TERB1: variants seen among roughly 807,000 people sequenced by gnomAD.
TERB1 encodes the protein telomere repeat binding bouquet formation protein 1.
A neutral mutation model predicts 92.3 loss-of-function variants in TERB1; 63 were observed. The observed-to-expected ratio is 0.68, with a 90% CI of 0.56 to 0.84. The LOEUF is 0.84. TERB1 is among the 40% of genes least tolerant of loss of function. The probability of loss-of-function intolerance (pLI) is 0.00; values close to 1 mark genes in which losing one functional copy is unlikely to be tolerated. For missense variants in TERB1, 709 were observed against 843.7 expected, an observed-to-expected ratio of 0.84 and a Z score of 1.98; for synonymous variants, 252 against 283.9, an observed-to-expected ratio of 0.89 and a Z score of 1.13.
chr16:66,754,808 TA>T lies in TERB1; in HGVS notation c.*167del. 1.6e-6 allele frequency: 1 copy of T among 623,904 alleles called. No homozygotes were observed. Among genetic ancestry groups the T allele is most frequent in the Non-Finnish European group, 2.7e-6 (1 of 366,306 alleles). 38.6% of individuals were successfully genotyped at this position (623,904 alleles called of 1,614,324 possible). A position where few individuals can be genotyped will look rare whatever the true frequency, so the allele number is the denominator to read the frequency against. On this transcript the variant is annotated 3_prime_UTR_variant, in exon 19 of 19. Coordinates refer to ENST00000433154, the MANE Select transcript of TERB1 (RefSeq NM_001136505.2). ...GTACACTGATGATATATTTGCTTTA[TA>T]AATCATTGTAATTTGATGAGTTTCA...
At chr16:66,792,934 G>A (rs2018860274) in intron 3 of TERB1, among the ~76,000 whole-genome samples, 1 of 151,714 alleles carries the variant, frequency 6.6e-6, no homozygotes, top group East Asian at 1.9e-4. Flanking sequence ...GAATGTGAAG[G>A]CCTAAGACAT....
At chr16:66,797,660 C>T (rs1389466538) in intron 2 of TERB1, among the ~76,000 whole-genome samples, 1 of 151,510 alleles carries the variant, frequency 6.6e-6, no homozygotes, top group Non-Finnish European at 1.5e-5. Flanking sequence ...CACACACACA[C>T]ACTCTTTAGA....
chr16:66,759,099 G>T, intron 17 of TERB1, 42 bp downstream of exon 17: 1 of 1,432,390 alleles, frequency 7.0e-7, no homozygotes, highest in Non-Finnish European at 9.5e-7. Flanking sequence ...AGTTCAGAAG[G>T]TATAGCCATA....
chr16:66,756,374 ATAG>A (rs926421022), intron 18 of TERB1, among the ~76,000 whole-genome samples: 7 of 152,302 alleles, frequency 4.6e-5, no homozygotes, highest in African/African-American at 1.4e-4. Flanking sequence ...TTATTACTTA[ATAG>A]TATTATTTAG....
Position 66,759,157 on chromosome 16 carries a change from T to G in TERB1, c.1914A>C (p.Ser638=). 1 of 1,542,354 alleles carries G rather than the reference T, an allele frequency of 6.5e-7. No homozygotes were observed. Among genetic ancestry groups the G allele is most frequent in the Non-Finnish European group, 8.7e-7 (1 of 1,144,700 alleles). ...EDRYKSELRK[S]LICNKKILLT... is the part of the protein sequence containing the mutation. Reference sequence around the variant, plus strand: ...ATTAATTACTTTTGTTACAGATAAGTGATTTCCTTAGTTCACTTTTATATC... The same window carrying G: ...ATTAATTACTTTTGTTACAGATAAGGGATTTCCTTAGTTCACTTTTATATC... The change falls in exon 17 of 19, where the codon TCA becomes TCC. Residue 638 remains serine, a synonymous_variant. Coordinates refer to ENST00000433154, the MANE Select transcript of TERB1 (RefSeq NM_001136505.2).
chr16:66,770,405 TTA>T, intron 13 of TERB1, 96 bp from the exon 14 acceptor site: 6 of 834,968 alleles, frequency 7.2e-6, no homozygotes, highest in Non-Finnish European at 1.1e-5. Flanking sequence ...AAGAAAAAGT[TTA>T]TGATTGCCAA....
chr16:66,773,765 T>C (rs890154948), intron 12 of TERB1, among the ~76,000 whole-genome samples: 35 of 152,372 alleles, frequency 2.3e-4, no homozygotes, highest in Non-Finnish European at 2.9e-4. Context: ...TTTTTTGAGT[T>C]ACTGTCTATT....
At chr16:66,795,030 C>T (rs1180070986) in intron 3 of TERB1, among the ~76,000 whole-genome samples, 6 of 152,094 alleles carry the variant, frequency 3.9e-5, no homozygotes, top group African/African-American at 9.7e-5. Context: ...AGAACAACAG[C>T]CCAGTCTAGC....
intron 2 of TERB1, chr16:66,800,156 G>A (rs1959234292): frequency 6.6e-6 from 1 of 152,034 alleles, no homozygotes; most frequent in African/African-American, 2.4e-5. Context: ...TTCAGGCCAG[G>A]AGTTGGAGAC....
chr16:66,771,018 T>C (rs1368022612), intron 13 of TERB1, among the ~76,000 whole-genome samples: 2 of 152,066 alleles, frequency 1.3e-5, no homozygotes, highest in Non-Finnish European at 2.9e-5. Context: ...ACCTGGCTAA[T>C]TGTGTATTTT....
intron 10 of TERB1, among the ~76,000 whole-genome samples, chr16:66,778,096 T>C (rs1301045171): frequency 6.6e-6 from 1 of 152,220 alleles, no homozygotes; most frequent in Non-Finnish European, 1.5e-5. Context: ...TGTTTGCGCA[T>C]GTGAGAAGCA....
At chr16:66,756,428 T>C (rs1432243380) in intron 18 of TERB1, among the ~76,000 whole-genome samples, 1 of 152,238 alleles carries the variant, frequency 6.6e-6, no homozygotes, top group Non-Finnish European at 1.5e-5. Context: ...ATCTATTTTA[T>C]TCACCATTGT....
chr16:66,758,738 C>T, intron 18 of TERB1, 35 bp downstream of exon 18: 1 of 1,342,670 alleles, frequency 7.4e-7, no homozygotes, highest in Non-Finnish European at 1.0e-6. Flanking sequence ...CAGACCCTGT[C>T]TCAAGAAAAA....
intron 10 of TERB1, among the ~76,000 whole-genome samples, chr16:66,778,617 C>T (rs1166773230): frequency 1.3e-5 from 2 of 151,872 alleles, no homozygotes; most frequent in Non-Finnish European, 2.9e-5. Context: ...TAGGTTTCAC[C>T]ATGTTGGCCA....
chr16:66,793,137 G>A (rs1162917001), intron 3 of TERB1, among the ~76,000 whole-genome samples: 1 of 150,686 alleles, frequency 6.6e-6, no homozygotes, highest in Admixed American at 6.6e-5. Context: ...TAATATAGAG[G>A]AGCATACTAA....
intron 16 of TERB1, among the ~76,000 whole-genome samples, chr16:66,760,038 C>T (rs1279042414): frequency 4.0e-5 from 5 of 124,656 alleles, no homozygotes; most frequent in Admixed American, 3.6e-4. Context: ...GAGGCTGAGG[C>T]AGGAGAATCG....
At chr16:66,795,893 T>G (rs2018922581) in intron 3 of TERB1, among the ~76,000 whole-genome samples, 1 of 152,258 alleles carries the variant, frequency 6.6e-6, no homozygotes, top group South Asian at 2.1e-4. Context: ...GTACTACAGG[T>G]GTGTACCACC....
intron 3 of TERB1, among the ~76,000 whole-genome samples, chr16:66,794,404 A>G (rs2018891584): frequency 6.6e-6 from 1 of 150,600 alleles, no homozygotes; most frequent in South Asian, 2.1e-4. Flanking sequence ...CTGGTCTGCA[A>G]GAAACTTCTT....
intron 14 of TERB1, among the ~76,000 whole-genome samples, chr16:66,768,841 C>T (rs1030924372): frequency 4.6e-5 from 7 of 152,182 alleles, no homozygotes; most frequent in Middle Eastern, 3.4e-3. Context: ...CGGTGGTTCA[C>T]GCCTGTAATC....
Sources: gnomAD v4.1 joint callset for allele counts (sites outside exome capture counted in the v4.1 genomes callset) on GRCh38, gnomAD v4.1.1 for gene constraint, MANE v1.5 for transcripts, NCBI Gene and HGNC (gene_info 2026-07-23, HGNC 2026-07-21) for gene names.